CLEC6A: variants seen among roughly 807,000 people sequenced by gnomAD.
The protein encoded by CLEC6A is C-type lectin domain family 6 member A.
Under a neutral mutation model 25.7 loss-of-function variants are expected in CLEC6A, and 22 were observed. The observed-to-expected ratio is 0.85, with a 90% CI of 0.61 to 1.22. The LOEUF (loss-of-function observed/expected upper bound fraction) is 1.22. CLEC6A is among the 50% of genes most tolerant of loss of function. The pLI is 0.00. For missense variants in CLEC6A, 240 were observed against 236.8 expected (o/e 1.01, Z -0.09); for synonymous variants, 92 against 76.7 (o/e 1.20, Z -1.04).
At chr12:8,471,540 T>G (rs1023940676) in intron 4 of CLEC6A, among the ~76,000 whole-genome samples, 6 of 152,122 alleles carry the variant, frequency 3.9e-5, no homozygotes, top group African/African-American at 1.4e-4. Flanking sequence ...TTCTATGAAT[T>G]TCTTCTGTTA....
In CLEC6A at chr12:8,477,699, C is replaced by CTTGT; in HGVS notation, c.*237_*240dup. The CTTGT allele has an allele frequency of 3.1e-6, 1 of 323,650 alleles. No individual in the cohort carries two copies. The allele number at this position is 323,650 out of a possible 1,614,324, so 20.0% of individuals were successfully genotyped here. A position where few individuals can be genotyped will look rare whatever the true frequency, so the allele number is the denominator to read the frequency against. Reference sequence around the variant, plus strand: ...TTCCTCTCTTTGTTCCATTCTTTCACTTGTTATTCATTTTTTTCTTTCTTC... The same window carrying CTTGT: ...TTCCTCTCTTTGTTCCATTCTTTCACTTGTTTGTTATTCATTTTTTTCTTTCTTC... On this transcript the variant is annotated 3_prime_UTR_variant, in exon 6 of 6. Coordinates refer to ENST00000382073, the MANE Select transcript of CLEC6A (RefSeq NM_001007033.2).
intron 4 of CLEC6A, among the ~76,000 whole-genome samples, chr12:8,472,179 A>G (rs1195453654): frequency 1.3e-5 from 2 of 152,094 alleles, no homozygotes; most frequent in Non-Finnish European, 2.9e-5. Context: ...CTGGTGATGC[A>G]TCTTCTCTGG....
At chr12:8,457,682 C>T (rs1451613953) in intron 1 of CLEC6A, among the ~76,000 whole-genome samples, 7 of 152,150 alleles carry the variant, frequency 4.6e-5, no homozygotes, top group African/African-American at 7.2e-5. Flanking sequence ...CATGGAAATT[C>T]CAGTTGGTTG....
At chr12:8,461,060 C>A (rs2136357977) in intron 3 of CLEC6A, 1 of 1,594,976 alleles carries the variant, frequency 6.3e-7, no homozygotes, top group South Asian at 1.1e-5. Flanking sequence ...AATCCTGACA[C>A]CCAGTGGATC....
In CLEC6A at chr12:8,456,105, C is replaced by T. The variant is rs1380093070; in HGVS notation, c.-7C>T. Reference sequence around the variant, plus strand: ...CCTGGACCTTCTCAACACAGGGAGCCTGCATAATGATGCAAGAGCAGCAAC... The same window carrying T: ...CCTGGACCTTCTCAACACAGGGAGCTTGCATAATGATGCAAGAGCAGCAAC... On this transcript the variant is annotated 5_prime_UTR_variant, in exon 1 of 6. Coordinates refer to ENST00000382073, the MANE Select transcript of CLEC6A (RefSeq NM_001007033.2). 3 of 1,613,698 alleles carry T rather than the reference C, an allele frequency of 1.9e-6. No individual in the cohort carries two copies. The highest frequency in any genetic ancestry group is 1.7e-6 in the Non-Finnish European group (2 of 1,179,734).
At chr12:8,474,040 T>A (rs964355025) in intron 4 of CLEC6A, among the ~76,000 whole-genome samples, 1 of 152,164 alleles carries the variant, frequency 6.6e-6, no homozygotes, top group African/African-American at 2.4e-5. Flanking sequence ...TTTGCTCCAT[T>A]GATAGTTTCT....
chr12:8,457,785 T>G, intron 1 of CLEC6A, 113 bp from the exon 2 acceptor site: 1 of 735,042 alleles, frequency 1.4e-6, no homozygotes, highest in South Asian at 1.6e-5. Flanking sequence ...TTGCTTTAAG[T>G]TTTTAACTGC....
At chr12:8,464,478 G>T (rs186321447) in intron 3 of CLEC6A, among the ~76,000 whole-genome samples, 1 of 152,052 alleles carries the variant, frequency 6.6e-6, no homozygotes, top group East Asian at 1.9e-4. Context: ...AAAGGCGTCC[G>T]CCACCACACC....
chr12:8,475,361 TG>T (rs1300930902), intron 4 of CLEC6A, among the ~76,000 whole-genome samples: 1 of 151,958 alleles, frequency 6.6e-6, no homozygotes, highest in African/African-American at 2.4e-5. Context: ...TGTGTGTGTG[TG>T]TGTGTCTATA....
chr12:8,456,539 AG>A (rs776139329), intron 1 of CLEC6A, among the ~76,000 whole-genome samples: 1 of 152,116 alleles, frequency 6.6e-6, no homozygotes, highest in Non-Finnish European at 1.5e-5. Context: ...TTTTTGTAAG[AG>A]AAAAGCTTCC....
chr12:8,473,831 A>G (rs952667335), intron 4 of CLEC6A, among the ~76,000 whole-genome samples: 7 of 151,640 alleles, frequency 4.6e-5, no homozygotes, highest in African/African-American at 1.7e-4. Context: ...ATGATTAGAG[A>G]TGTGCATTTT....
intron 4 of CLEC6A, among the ~76,000 whole-genome samples, chr12:8,470,640 C>T (rs1939892856): frequency 6.6e-6 from 1 of 152,080 alleles, no homozygotes; most frequent in Non-Finnish European, 1.5e-5. Flanking sequence ...AGTGAAGTAA[C>T]TCAGGAATGG....
intron 2 of CLEC6A, among the ~76,000 whole-genome samples, chr12:8,458,949 T>C (rs1283301509): frequency 6.6e-6 from 1 of 152,172 alleles, no homozygotes; most frequent in Non-Finnish European, 1.5e-5. Context: ...TTAATGTTCA[T>C]TTGAGACATT....
intron 4 of CLEC6A, among the ~76,000 whole-genome samples, chr12:8,472,904 C>CCATT (rs1252850748): frequency 6.6e-6 from 1 of 151,956 alleles, no homozygotes; most frequent in Non-Finnish European, 1.5e-5. Context: ...TTACCCCATT[C>CCATT]CATTCCCTCT....
At chr12:8,464,507 A>AT in intron 3 of CLEC6A, among the ~76,000 whole-genome samples, 1 of 151,976 alleles carries the variant, frequency 6.6e-6, no homozygotes, top group African/African-American at 2.4e-5. Flanking sequence ...TTCTTTTTGT[A>AT]TTTTTAGTAG....
At chr12:8,469,502 A>C (rs1046726768) in intron 4 of CLEC6A, among the ~76,000 whole-genome samples, 2 of 152,174 alleles carry the variant, frequency 1.3e-5, no homozygotes, top group Non-Finnish European at 2.9e-5. Context: ...AAAAGAACAG[A>C]TCTGGAGGCA....
chr12:8,461,323 T>A, intron 3 of CLEC6A: 1 of 511,194 alleles, frequency 2.0e-6, no homozygotes, highest in Non-Finnish European at 3.5e-6. Flanking sequence ...GAAAGAGAAG[T>A]AAAGTGCATA....
chr12:8,459,508 C>G (rs1939724169), intron 2 of CLEC6A, 89 bp from the exon 3 acceptor site: 1 of 766,132 alleles, frequency 1.3e-6, no homozygotes, highest in Non-Finnish European at 2.3e-6. Flanking sequence ...CAGTGGGGGT[C>G]AGAGGTAAGC....
At chr12:8,464,848 A>G (rs1939809776) in intron 3 of CLEC6A, among the ~76,000 whole-genome samples, 1 of 152,212 alleles carries the variant, frequency 6.6e-6, no homozygotes, top group Non-Finnish European at 1.5e-5. Context: ...AGCATTTAAT[A>G]CTGTGTGAAA....
Sources: allele counts gnomAD v4.1 joint callset (sites outside exome capture counted in the v4.1 genomes callset), GRCh38; gene constraint gnomAD v4.1.1; transcripts MANE v1.5; gene names NCBI Gene and HGNC (gene_info 2026-07-23, HGNC 2026-07-21).